KDM1B: variants seen among roughly 807,000 people sequenced by gnomAD.
The protein encoded by KDM1B is lysine demethylase 1B.
Under a neutral mutation model 107.4 loss-of-function variants are expected in KDM1B, and 63 were observed. The ratio of observed to expected loss-of-function variants is 0.59; its 90% CI spans 0.48 to 0.72. The LOEUF (loss-of-function observed/expected upper bound fraction) is 0.72. KDM1B is among the 30% of genes least tolerant of loss of function. The probability of loss-of-function intolerance (pLI) is 0.00; values close to 1 mark genes in which losing one functional copy is unlikely to be tolerated. For missense variants in KDM1B, 749 were observed against 1,020.8 expected, an observed-to-expected ratio of 0.73 and a Z score of 3.63; for synonymous variants, 363 against 363.9, an observed-to-expected ratio of 1.00 and a Z score of 0.03.
At position 18,212,815 on chromosome 6, in the gene KDM1B, T is replaced by C. The variant is rs188913928; in HGVS notation, c.1983+211T>C. ...GGCTGAGGTCTGTGAGTTTTGACTT[T>C]AGGAGAAAGAATCTTGTTATTCACA... On this transcript the variant is annotated intron_variant, in intron 18 of 21. Coordinates refer to ENST00000650836, the MANE Select transcript of KDM1B (RefSeq NM_001364614.2). This position sits in a 1 kb window ranked among gnomAD's most constrained non-coding sequence, Gnocchi z 5.2. Among the ~76,000 whole-genome samples the C allele has an allele frequency of 6.6e-6, 1 of 152,252 alleles. No homozygotes were observed. The highest frequency in any genetic ancestry group is 2.4e-5 in the African/African-American group (1 of 41,468).
chr6:18,160,061 A>G (rs1784875679), intron 3 of KDM1B, 79 bp downstream of exon 3: 1 of 931,348 alleles, frequency 1.1e-6, no homozygotes, highest in East Asian at 2.5e-5. Context: ...TTAGAGTTGA[A>G]AAGATTACTC....
Position 18,204,343 on chromosome 6 carries a change from G to C in KDM1B, c.1532-1194G>C, listed in dbSNP as rs1582185834. On this transcript the variant is annotated intron_variant, in intron 14 of 21. Coordinates refer to ENST00000650836, the MANE Select transcript of KDM1B (RefSeq NM_001364614.2). This position sits in a 1 kb window ranked among gnomAD's most constrained non-coding sequence, Gnocchi z 4.9. ...TACTAAAAATTCAAAAATTAGCTGG[G>C]CATAGAGGCGGGCGCCTGTAGTCCC... Among the ~76,000 whole-genome samples, 1 of 151,932 alleles carries C rather than the reference G, an allele frequency of 6.6e-6. No homozygotes were observed. Among genetic ancestry groups the C allele is most frequent in the Admixed American group, 6.6e-5 (1 of 15,248 alleles).
At chr6:18,178,632 C>A (rs868840237) in intron 7 of KDM1B, among the ~76,000 whole-genome samples, 22 of 152,280 alleles carry the variant, frequency 1.4e-4, no homozygotes, top group Non-Finnish European at 2.9e-4. Flanking sequence ...ACCTCGTGAT[C>A]TACCTGCCTT....
chr6:18,183,126 G>T (rs377073877), intron 7 of KDM1B, among the ~76,000 whole-genome samples: 1 of 152,064 alleles, frequency 6.6e-6, no homozygotes, highest in African/African-American at 2.4e-5. Flanking sequence ...ACACTGGTGT[G>T]CCTCCCTACT....
chr6:18,212,312 G>T lies in KDM1B; in HGVS notation c.1867-176G>T. ...ACGTTTTTTGCCCACTCTTCCCTGT[G>T]GTTGCCACTTCTGCTTAGCCAGGCA... On this transcript the variant is annotated intron_variant, in intron 17 of 21. Coordinates refer to ENST00000650836, the MANE Select transcript of KDM1B (RefSeq NM_001364614.2). The surrounding 1 kb of genome is among the most constrained non-coding windows in gnomAD (Gnocchi z 5.2). 1.5e-6 allele frequency: 1 copy of T among 651,178 alleles called. No individual in the cohort carries two copies. Among genetic ancestry groups the T allele is most frequent in the Non-Finnish European group, 2.8e-6 (1 of 361,134 alleles). The allele number at this position is 651,178 out of a possible 1,614,324, so 40.3% of individuals were successfully genotyped here. A position where few individuals can be genotyped will look rare whatever the true frequency, so the allele number is the denominator to read the frequency against.
chr6:18,181,955 A>G (rs900030885), intron 7 of KDM1B, among the ~76,000 whole-genome samples: 11 of 152,100 alleles, frequency 7.2e-5, no homozygotes, highest in South Asian at 4.1e-4. Context: ...ATTATTTTCT[A>G]TAACTGTATT....
chr6:18,174,963 T>C (rs1561916561), intron 7 of KDM1B, among the ~76,000 whole-genome samples: 1 of 152,194 alleles, frequency 6.6e-6, no homozygotes, highest in Non-Finnish European at 1.5e-5. Context: ...CATATGGAAG[T>C]ATGTTTTTTG....
In KDM1B at chr6:18,213,619, C is replaced by G. The variant is rs774767320; in HGVS notation, c.1984-37C>G. 1.6e-5 allele frequency: 26 copies of G among 1,611,594 alleles called. No homozygotes were observed. In the East Asian group the frequency reaches 5.1e-4, roughly 32 times the overall value. ...GATATTGCCTGTGGTTTTGTGACGA[C>G]AGACACCTAACCACCTTTCTTCTGC... On this transcript the variant is annotated intron_variant, in intron 18 of 21. Coordinates refer to ENST00000650836, the MANE Select transcript of KDM1B (RefSeq NM_001364614.2). The surrounding 1 kb of genome is among the most constrained non-coding windows in gnomAD (Gnocchi z 5.9).
intron 15 of KDM1B, among the ~76,000 whole-genome samples, chr6:18,206,472 G>A (rs1201455741): frequency 1.3e-5 from 2 of 152,210 alleles, no homozygotes; most frequent in African/African-American, 4.8e-5. Context: ...AGCTGTGATG[G>A]TGCTACCACA....
At chr6:18,168,346 A>C (rs1785452140) in intron 6 of KDM1B, among the ~76,000 whole-genome samples, 1 of 152,226 alleles carries the variant, frequency 6.6e-6, no homozygotes, top group Non-Finnish European at 1.5e-5. Context: ...TTTCATATGA[A>C]TGGAATCGTG....
At chr6:18,171,984 AT>A (rs1785693341) in intron 7 of KDM1B, among the ~76,000 whole-genome samples, 1 of 152,000 alleles carries the variant, frequency 6.6e-6, no homozygotes. Flanking sequence ...TCTGGTTTTA[AT>A]TTTTTTGCTA....
In KDM1B at chr6:18,213,529, G is replaced by C; in HGVS notation, c.1984-127G>C. ...AGGAGGTGAGGAGAATGGAAAGAGC[G>C]GTATTTGGGGTTGTTCTTTCGGGCA... On this transcript the variant is annotated intron_variant, in intron 18 of 21. Coordinates refer to ENST00000650836, the MANE Select transcript of KDM1B (RefSeq NM_001364614.2). The surrounding 1 kb of genome is among the most constrained non-coding windows in gnomAD (Gnocchi z 5.9). 2.5e-6 allele frequency: 2 copies of C among 814,460 alleles called. No homozygotes were observed. The highest frequency in any genetic ancestry group is 4.4e-5 in the Admixed American group (2 of 45,712). 50.5% of individuals were successfully genotyped at this position (814,460 alleles called of 1,614,324 possible).
Position 18,213,794 on chromosome 6 carries a change from G to A in KDM1B, c.2109+13G>A, listed in dbSNP as rs549081724. The A allele has an allele frequency of 3.7e-6, 6 of 1,613,580 alleles. No homozygotes were observed. The highest frequency in any genetic ancestry group is 3.3e-5 in the South Asian group (3 of 91,042). On this transcript the variant is annotated intron_variant, in intron 19 of 21. Coordinates refer to ENST00000650836, the MANE Select transcript of KDM1B (RefSeq NM_001364614.2). This position sits in a 1 kb window ranked among gnomAD's most constrained non-coding sequence, Gnocchi z 5.9. Reference sequence around the variant, plus strand: ...CATGGATCCCCAGGTAAAATCATTCGTGAACTGTGGTTTGAATTTCCGTCT... The same window carrying A: ...CATGGATCCCCAGGTAAAATCATTCATGAACTGTGGTTTGAATTTCCGTCT...
intron 5 of KDM1B, among the ~76,000 whole-genome samples, chr6:18,163,956 CAT>C (rs56797116): frequency 0.018 from 2,784 of 151,582 alleles, 45 homozygotes; most frequent in Non-Finnish European, 0.025. Context: ...CAGTTCAGGT[CAT>C]ATATATATAT....
intron 7 of KDM1B, among the ~76,000 whole-genome samples, chr6:18,178,221 T>C (rs952119736): frequency 2.0e-5 from 3 of 151,674 alleles, no homozygotes; most frequent in Non-Finnish European, 4.4e-5. Flanking sequence ...TAGCTGGGAT[T>C]ACAGGCACCC....
In KDM1B at chr6:18,212,183, G is replaced by A. The variant is rs1366435017; in HGVS notation, c.1867-305G>A. 28 of 273,556 alleles carry A rather than the reference G, an allele frequency of 1.0e-4. No individual in the cohort carries two copies. Among genetic ancestry groups the A allele is most frequent in the South Asian group, 7.3e-4 (16 of 22,030 alleles). The allele number at this position is 273,556 out of a possible 1,614,324, so 16.9% of individuals were successfully genotyped here. A position where few individuals can be genotyped will look rare whatever the true frequency, so the allele number is the denominator to read the frequency against. On this transcript the variant is annotated intron_variant, in intron 17 of 21. Coordinates refer to ENST00000650836, the MANE Select transcript of KDM1B (RefSeq NM_001364614.2). This position sits in a 1 kb window ranked among gnomAD's most constrained non-coding sequence, Gnocchi z 5.2. ...TGGTCTTGAACTCCTGACCTCAGGT[G>A]ATCCACCCGCCTCGGCCTCTCAAAG...
intron 5 of KDM1B, among the ~76,000 whole-genome samples, chr6:18,163,848 A>G (rs113340706): frequency 0.035 from 5,276 of 152,218 alleles, 105 homozygotes; most frequent in Middle Eastern, 0.071. Context: ...AATGTAGTGT[A>G]TCTTGGTAAA....
chr6:18,173,056 C>G (rs1042826714), intron 7 of KDM1B, among the ~76,000 whole-genome samples: 1 of 149,378 alleles, frequency 6.7e-6, no homozygotes, highest in African/African-American at 2.5e-5. Context: ...TGCCATTGCA[C>G]TCCAGCCTGG....
At chr6:18,190,314 C>T (rs542678469) in intron 9 of KDM1B, among the ~76,000 whole-genome samples, 15 of 152,008 alleles carry the variant, frequency 9.9e-5, no homozygotes, top group East Asian at 1.9e-4. Flanking sequence ...ATAAGAAGGC[C>T]GGGCGCAGTG....
Sources: gnomAD v4.1 joint callset for allele counts (sites outside exome capture counted in the v4.1 genomes callset) on GRCh38, gnomAD v4.1.1 for gene constraint, Gnocchi (gnomAD v3.1) non-coding constraint, MANE v1.5 for transcripts, NCBI Gene and HGNC (gene_info 2026-07-23, HGNC 2026-07-21) for gene names.